Variants in FHIT observed in about 807,000 individuals in gnomAD.
FHIT encodes fragile histidine triad diadenosine triphosphatase.
FHIT carries 19 observed loss-of-function variants against 17.9 expected under a neutral mutation model. That is an observed-to-expected ratio of 1.06 (90% CI 0.74 to 1.56). The LOEUF (loss-of-function observed/expected upper bound fraction) is 1.56. Among genes scored for constraint, FHIT ranks in the 40% most tolerant of loss-of-function variants. The pLI, the probability that FHIT is intolerant of heterozygous loss-of-function variation, is 0.00. For missense variants in FHIT, 248 were observed against 189.2 expected, an observed-to-expected ratio of 1.31 and a Z score of -1.82; for synonymous variants, 81 against 69.7, an observed-to-expected ratio of 1.16 and a Z score of -0.81.
chr3:61,145,226 A>G lies in FHIT; in HGVS notation c.-164+55391T>C, dbSNP rs1223224775. On this transcript the variant is annotated intron_variant, in intron 2 of 9. Transcript: ENST00000492590. The stretch of plus-strand genomic sequence containing the variant: ...CTAATTGTTGTGTATGGTGTGAGGT[A>G]CAAGTCCTAATTCATTCTTTGCATG... Among the ~76,000 whole-genome samples, 10 of 152,246 alleles carry G rather than the reference A, an allele frequency of 6.6e-5. 1 individual carries two copies. The South Asian group carries it at 2.1e-3, about 32-fold the overall frequency.
chr3:60,758,194 C>A (rs1367041785), intron 4 of FHIT, among the ~76,000 whole-genome samples: 1 of 152,230 alleles, frequency 6.6e-6, no homozygotes, highest in African/African-American at 2.4e-5. Context: ...TCACACAGCT[C>A]TCCCTCAGGT....
At chr3:60,693,780 G>T (rs2041048934) in intron 4 of FHIT, among the ~76,000 whole-genome samples, 1 of 152,170 alleles carries the variant, frequency 6.6e-6, no homozygotes, top group Non-Finnish European at 1.5e-5. Context: ...TCATTCATCT[G>T]TAAGTACTAG....
intron 3 of FHIT, among the ~76,000 whole-genome samples, chr3:60,937,562 C>CTTCTCT (rs1708242536): frequency 3.0e-5 from 1 of 33,592 alleles, no homozygotes. Flanking sequence ...TTTTTCTTTT[C>CTTCTCT]TTTTCTTTTT....
intron 4 of FHIT, among the ~76,000 whole-genome samples, chr3:60,796,827 C>T (rs2594168): frequency 0.37 from 56,359 of 152,012 alleles, 12,494 homozygotes; most frequent in East Asian, 0.76. Context: ...GGTGATCTGC[C>T]CACCTCGGCC....
intron 4 of FHIT, among the ~76,000 whole-genome samples, chr3:60,630,722 A>C (rs2039415970): frequency 6.6e-6 from 1 of 152,108 alleles, no homozygotes; most frequent in Admixed American, 6.5e-5. Context: ...TAGCTCATCT[A>C]GTTCTCCAGC....
At chr3:60,888,389 T>C (rs1360107337) in intron 3 of FHIT, among the ~76,000 whole-genome samples, 2 of 152,172 alleles carry the variant, frequency 1.3e-5, no homozygotes, top group East Asian at 3.9e-4. Context: ...AAGATTATAG[T>C]AGAATTCTAC....
chr3:60,246,534 G>T (rs1705405276), intron 5 of FHIT, among the ~76,000 whole-genome samples: 1 of 152,022 alleles, frequency 6.6e-6, no homozygotes, highest in African/African-American at 2.4e-5. Context: ...TGGCTGAGAG[G>T]CACAAGGTGA....
chr3:60,594,127 C>A (rs782499407), intron 4 of FHIT, among the ~76,000 whole-genome samples: 2 of 151,982 alleles, frequency 1.3e-5, no homozygotes, highest in Non-Finnish European at 2.9e-5. Flanking sequence ...ATATTGTTTC[C>A]AGTTTTCTGT....
At chr3:60,752,037 A>G (rs1173760542) in intron 4 of FHIT, among the ~76,000 whole-genome samples, 1 of 152,210 alleles carries the variant, frequency 6.6e-6, no homozygotes, top group Non-Finnish European at 1.5e-5. Context: ...TACACATATT[A>G]TGTAAAATGT....
intron 5 of FHIT, among the ~76,000 whole-genome samples, chr3:60,454,896 A>G (rs939659592): frequency 5.3e-5 from 8 of 151,932 alleles, no homozygotes; most frequent in Admixed American, 5.2e-4. Flanking sequence ...TCACTTACGC[A>G]AGTTTTACCA....
intron 4 of FHIT, among the ~76,000 whole-genome samples, chr3:60,556,788 T>C (rs1436707440): frequency 6.6e-6 from 1 of 152,236 alleles, no homozygotes; most frequent in African/African-American, 2.4e-5. Flanking sequence ...ACGCTGCCTT[T>C]GTCCCCTGTA....
intron 5 of FHIT, among the ~76,000 whole-genome samples, chr3:60,234,303 C>T (rs985894674): frequency 9.9e-5 from 15 of 152,142 alleles, no homozygotes; most frequent in Middle Eastern, 3.2e-3. Context: ...TTAACACTAA[C>T]GGATTTCATT....
chr3:60,875,445 C>A (rs529754872), intron 3 of FHIT, among the ~76,000 whole-genome samples: 40 of 152,272 alleles, frequency 2.6e-4, no homozygotes, highest in African/African-American at 8.7e-4. Flanking sequence ...ACAGACAAGC[C>A]TTATCCTCAA....
intron 7 of FHIT, among the ~76,000 whole-genome samples, chr3:60,001,742 G>C (rs995653652): frequency 2.6e-5 from 4 of 152,182 alleles, no homozygotes; most frequent in East Asian, 1.9e-4. Context: ...TCCTTAAAGA[G>C]TGAGATTCAT....
chr3:60,522,065 G>A (rs1456684942), intron 5 of FHIT, among the ~76,000 whole-genome samples: 1 of 149,702 alleles, frequency 6.7e-6, no homozygotes, highest in African/African-American at 2.4e-5. Context: ...AGGAATGTCA[G>A]ATTTTACTTT....
At chr3:61,123,879 A>C (rs2036533911) in intron 2 of FHIT, among the ~76,000 whole-genome samples, 1 of 152,162 alleles carries the variant, frequency 6.6e-6, no homozygotes, top group Non-Finnish European at 1.5e-5. Flanking sequence ...CAGCTCTTAC[A>C]AATACGTACA....
chr3:59,899,451 C>T (rs1454831528), intron 8 of FHIT, among the ~76,000 whole-genome samples: 1 of 152,128 alleles, frequency 6.6e-6, no homozygotes, highest in Non-Finnish European at 1.5e-5. Flanking sequence ...CTTTGTGGAA[C>T]TAATACAAAT....
At chr3:60,317,308 T>C (rs1709206315) in intron 5 of FHIT, among the ~76,000 whole-genome samples, 1 of 151,940 alleles carries the variant, frequency 6.6e-6, no homozygotes, top group Admixed American at 6.6e-5. Context: ...CTGATGATTC[T>C]ATTCATCCTG....
At chr3:60,757,575 C>T (rs1169728908) in intron 4 of FHIT, among the ~76,000 whole-genome samples, 2 of 152,130 alleles carry the variant, frequency 1.3e-5, no homozygotes, top group African/African-American at 2.4e-5. Flanking sequence ...TGCTAAGAGC[C>T]GGTGAGGACA....
Sources: gnomAD v4.1 joint callset for allele counts (sites outside exome capture counted in the v4.1 genomes callset) on GRCh38, gnomAD v4.1.1 for gene constraint, MANE v1.5 for transcripts, NCBI Gene and HGNC (gene_info 2026-07-23, HGNC 2026-07-21) for gene names.